MFAP3L: variants seen among roughly 807,000 people sequenced by gnomAD.
MFAP3L encodes the protein microfibril associated protein 3 like, also known as microfibrillar-associated protein 3-like.
A neutral mutation model predicts 20.0 loss-of-function variants in MFAP3L; 5 were observed. That is an observed-to-expected ratio of 0.25 (90% CI 0.13 to 0.53). The LOEUF (loss-of-function observed/expected upper bound fraction) is 0.53, where lower values mean the gene tolerates loss of function less well. Ranked by LOEUF, MFAP3L falls within the 20% of genes least tolerant of loss-of-function variation. The probability of loss-of-function intolerance (pLI) is 0.96; values close to 1 mark genes in which losing one functional copy is unlikely to be tolerated. For missense variants in MFAP3L, 409 were observed against 527.5 expected (o/e 0.78, Z 2.20); for synonymous variants, 219 against 213.0 (o/e 1.03, Z -0.25).
Position 170,026,320 on chromosome 4 carries a change from G to A in MFAP3L, c.-220C>T, listed in dbSNP as rs1730407500. 3 of 981,748 alleles carry A rather than the reference G, an allele frequency of 3.1e-6. No individual in the cohort carries two copies. Among genetic ancestry groups the A allele is most frequent in the African/African-American group, 1.7e-5 (1 of 57,148 alleles). 60.8% of individuals were successfully genotyped at this position (981,748 alleles called of 1,614,324 possible). On this transcript the variant is annotated 5_prime_UTR_variant, in exon 1 of 3. Transcript: ENST00000361618. ...CGGCCGCTGCGCCGCACTCTGCGCC[G>A]GACGCCCGGTAGCGCCTACTGCGGG... is the stretch of plus-strand genomic sequence containing the variant.
Position 169,991,582 on chromosome 4 carries a change from A to G in MFAP3L, c.1026T>C (p.Asp342=), listed in dbSNP as rs779021045. 3.0e-5 allele frequency: 49 copies of G among 1,614,050 alleles called. No individual in the cohort carries two copies. Among genetic ancestry groups the G allele is most frequent in the Admixed American group, 3.3e-5 (2 of 59,998 alleles). Residue 342 remains aspartate, a synonymous_variant, in exon 3 of 3, where the codon GAT becomes GAC. Coordinates refer to ENST00000361618, the MANE Select transcript of MFAP3L (RefSeq NM_021647.8). This position sits in a 1 kb window ranked among gnomAD's most constrained non-coding sequence, Gnocchi z 4.9. ...DQEGGQFEVK[D]VEETELSAEH... ...CCGCCGACAGTTCTGTCTCCTCTAC[A>G]TCTTTGACTTCAAACTGTCCACCCT...
intron 1 of MFAP3L, among the ~76,000 whole-genome samples, chr4:170,025,667 T>A (rs1380197101): frequency 6.6e-6 from 1 of 152,034 alleles, no homozygotes; most frequent in Non-Finnish European, 1.5e-5. Context: ...GATGTCAACT[T>A]GTTATGGAGT....
intron 1 of MFAP3L, among the ~76,000 whole-genome samples, chr4:170,014,781 C>T (rs1051101994): frequency 1.2e-4 from 19 of 152,210 alleles, no homozygotes; most frequent in Admixed American, 1.2e-3. Context: ...ATTGTGCACA[C>T]ACAGCTTCCC....
rs980178334 is a variant in MFAP3L, at chr4:169,991,301, G to A, written c.*77C>T. On this transcript the variant is annotated 3_prime_UTR_variant, in exon 3 of 3. Transcript: ENST00000361618. The surrounding 1 kb of genome is among the most constrained non-coding windows in gnomAD (Gnocchi z 4.9). ...TGAGAGTCTCCTGGTAAGGCTTAGC[G>A]GCAAGTGCGTACTACATCTGTATTA... 22 of 1,442,248 alleles carry A rather than the reference G, an allele frequency of 1.5e-5. No homozygotes were observed. Among genetic ancestry groups the A allele is most frequent in the Non-Finnish European group, 2.0e-5 (21 of 1,064,578 alleles). The allele number at this position is 1,442,248 out of a possible 1,614,324, so 89.3% of individuals were successfully genotyped here.
chr4:169,993,951 A>C (rs942217800), intron 2 of MFAP3L: 8 of 162,078 alleles, frequency 4.9e-5, no homozygotes, highest in East Asian at 1.9e-4. Flanking sequence ...GGCTTCTAAT[A>C]CTTTCATCCC....
intron 2 of MFAP3L, chr4:169,994,501 A>G: frequency 1.0e-6 from 1 of 976,108 alleles, no homozygotes; most frequent in African/African-American, 1.8e-5. Flanking sequence ...TACTAGTTAC[A>G]ACATCCCAAT....
intron 1 of MFAP3L, among the ~76,000 whole-genome samples, chr4:170,025,753 G>A (rs997818226): frequency 8.5e-5 from 13 of 152,114 alleles, no homozygotes; most frequent in African/African-American, 3.1e-4. Context: ...CACTCCTGCG[G>A]CATCAGGACA....
chr4:169,999,438 T>C (rs1264110801), intron 2 of MFAP3L, among the ~76,000 whole-genome samples: 1 of 152,192 alleles, frequency 6.6e-6, no homozygotes, highest in Non-Finnish European at 1.5e-5. Context: ...TCTAGCTAAT[T>C]TGGTCTGGTA....
rs947694802 is a variant in MFAP3L, at chr4:169,992,623, C to T, written c.299-314G>A. On this transcript the variant is annotated intron_variant, in intron 2 of 2. Coordinates refer to ENST00000361618, the MANE Select transcript of MFAP3L (RefSeq NM_021647.8). This position sits in a 1 kb window ranked among gnomAD's most constrained non-coding sequence, Gnocchi z 4.3. ...TAGAACTGAAGATGAACTTGAGTTC[C>T]AGAGGCTGCACTCTTAACTACCAAA... 1.3e-5 allele frequency among the ~76,000 whole-genome samples: 2 copies of T among 152,210 alleles called. No homozygotes were observed. Among genetic ancestry groups the T allele is most frequent in the Non-Finnish European group, 2.9e-5 (2 of 68,044 alleles).
intron 1 of MFAP3L, chr4:170,007,091 C>G (rs1288469460): frequency 6.6e-6 from 1 of 152,124 alleles, no homozygotes; most frequent in Non-Finnish European, 1.5e-5. Flanking sequence ...TTCAATTCTG[C>G]CTACAACAAC....
At chr4:170,026,104 C>T (rs1256686068) in intron 1 of MFAP3L, 130 bp downstream of exon 1, 2 of 412,544 alleles carry the variant, frequency 4.8e-6, no homozygotes, top group Non-Finnish European at 6.5e-6. Context: ...GCGCAGCCTC[C>T]GCCGCAGTCT....
At chr4:170,023,335 A>G (rs1010722892) in intron 1 of MFAP3L, among the ~76,000 whole-genome samples, 4 of 152,194 alleles carry the variant, frequency 2.6e-5, no homozygotes, top group African/African-American at 9.7e-5. Flanking sequence ...GTTTGTGGAA[A>G]AAAAAAATGT....
intron 1 of MFAP3L, among the ~76,000 whole-genome samples, chr4:170,015,773 G>A (rs1436926424): frequency 2.0e-5 from 3 of 152,162 alleles, no homozygotes; most frequent in Non-Finnish European, 4.4e-5. Context: ...GAGCAGGCTG[G>A]AGTGAAGCCT....
chr4:170,012,820 T>G (rs185488813), intron 1 of MFAP3L, among the ~76,000 whole-genome samples: 82 of 152,324 alleles, frequency 5.4e-4, no homozygotes, highest in Non-Finnish European at 9.7e-4. Context: ...TAGAACTAAA[T>G]ATACACCCAG....
At chr4:169,999,216 A>C (rs1738434893) in intron 2 of MFAP3L, among the ~76,000 whole-genome samples, 1 of 152,180 alleles carries the variant, frequency 6.6e-6, no homozygotes, top group Admixed American at 6.5e-5. Flanking sequence ...CTCTTCAGAG[A>C]GGACTAGGGC....
rs748520996 is a variant in MFAP3L at position 170,005,565 on chromosome 4, A to T, written c.298+15T>A. On this transcript the variant is annotated intron_variant, in intron 2 of 2. Transcript: ENST00000361618. Reference sequence around the variant, plus strand: ...TATATTTTATTATGACATTTGATACAACTTTAAAGCCTACCTCCTCCTCTC... The same window carrying T: ...TATATTTTATTATGACATTTGATACTACTTTAAAGCCTACCTCCTCCTCTC... 1 of 1,608,638 alleles carries T rather than the reference A, an allele frequency of 6.2e-7. No homozygotes were observed. The highest frequency in any genetic ancestry group is 1.3e-5 in the African/African-American group (1 of 74,762).
intron 2 of MFAP3L, chr4:170,005,364 CTG>C: frequency 5.1e-6 from 3 of 585,058 alleles, no homozygotes; most frequent in Non-Finnish European, 8.9e-6. Context: ...AAAAAGACTT[CTG>C]TGTTTGTCCT....
chr4:170,021,400 T>C (rs989846456), intron 1 of MFAP3L, among the ~76,000 whole-genome samples: 1 of 152,240 alleles, frequency 6.6e-6, no homozygotes, highest in African/African-American at 2.4e-5. Context: ...CCTAGTACTT[T>C]ACAATAGAAA....
chr4:169,996,490 T>C (rs544837050), intron 2 of MFAP3L, among the ~76,000 whole-genome samples: 1 of 151,744 alleles, frequency 6.6e-6, no homozygotes, highest in East Asian at 1.9e-4. Context: ...TGTGGTTAAG[T>C]ATAATGGCAT....
Sources: gnomAD v4.1 joint callset for allele counts (sites outside exome capture counted in the v4.1 genomes callset) on GRCh38, gnomAD v4.1.1 for gene constraint, Gnocchi (gnomAD v3.1) non-coding constraint, MANE v1.5 for transcripts, NCBI Gene and HGNC (gene_info 2026-07-23, HGNC 2026-07-21) for gene names.